Variants in GRIN2B observed in about 807,000 individuals in gnomAD.
GRIN2B encodes the protein glutamate ionotropic receptor NMDA type subunit 2B, also known as glutamate receptor ionotropic, NMDA 2B.
Under a neutral mutation model 114.5 loss-of-function variants are expected in GRIN2B, and 5 were observed. The observed-to-expected ratio is 0.04, with a 90% CI of 0.02 to 0.09. The LOEUF (loss-of-function observed/expected upper bound fraction) is 0.09, where lower values mean the gene tolerates loss of function less well. Ranked by LOEUF, GRIN2B falls within the 10% of genes least tolerant of loss-of-function variation. GRIN2B has a pLI of 1.00. For missense variants in GRIN2B, 1,108 were observed against 1,943.5 expected, an observed-to-expected ratio of 0.57 and a Z score of 8.08; for synonymous variants, 787 against 745.1, an observed-to-expected ratio of 1.06 and a Z score of -0.92.
intron 2 of GRIN2B, among the ~76,000 whole-genome samples, chr12:13,871,911 A>T (rs1055581266): frequency 6.6e-6 from 1 of 152,092 alleles, no homozygotes; most frequent in South Asian, 2.1e-4. Flanking sequence ...AATTTTAGAA[A>T]TTGTTATTAA....
At chr12:13,758,998 A>AGT (rs771891565) in intron 3 of GRIN2B, among the ~76,000 whole-genome samples, 5,743 of 86,216 alleles carry the variant, frequency 0.067, 340 homozygotes, top group African/African-American at 0.11. Context: ...ATCTAGTTCA[A>AGT]TTTTTTTTTT....
intron 5 of GRIN2B, among the ~76,000 whole-genome samples, chr12:13,660,252 CGAA>C (rs1423062122): frequency 4.6e-5 from 7 of 152,156 alleles, no homozygotes; most frequent in African/African-American, 1.7e-4. Flanking sequence ...ATGAATAACA[CGAA>C]GTACAATCTT....
intron 3 of GRIN2B, among the ~76,000 whole-genome samples, chr12:13,783,431 G>GGTTTTGTTTTGTTGTTTT (rs142614731): frequency 4.0e-5 from 6 of 149,632 alleles, no homozygotes; most frequent in Admixed American, 6.7e-5. Context: ...AACGGAAATA[G>GGTTTTGTTTTGTTGTTTT]GTTTTGTTTT....
At chr12:13,970,068 G>C (rs536282239) in intron 2 of GRIN2B, among the ~76,000 whole-genome samples, 48 of 152,290 alleles carry the variant, frequency 3.2e-4, no homozygotes, top group African/African-American at 1.2e-3. Context: ...GGCCAGGCTG[G>C]TCTCGAACTC....
chr12:13,917,234 T>C (rs1423793736), intron 2 of GRIN2B, among the ~76,000 whole-genome samples: 2 of 152,066 alleles, frequency 1.3e-5, no homozygotes, highest in Admixed American at 6.6e-5. Flanking sequence ...GTCCCACTAA[T>C]AAAACCCCAT....
chr12:13,735,724 A>T (rs1863164665), intron 4 of GRIN2B, among the ~76,000 whole-genome samples: 1 of 152,132 alleles, frequency 6.6e-6, no homozygotes, highest in Non-Finnish European at 1.5e-5. Flanking sequence ...TTTATTTCTG[A>T]AATCCCTCCT....
At chr12:13,857,673 G>C (rs1865686159) in intron 3 of GRIN2B, among the ~76,000 whole-genome samples, 1 of 152,064 alleles carries the variant, frequency 6.6e-6, no homozygotes, top group African/African-American at 2.4e-5. Flanking sequence ...CACTTCCTTT[G>C]AGACACAGTG....
chr12:13,774,239 T>G (rs1863960739), intron 3 of GRIN2B, among the ~76,000 whole-genome samples: 1 of 152,210 alleles, frequency 6.6e-6, no homozygotes, highest in African/African-American at 2.4e-5. Flanking sequence ...GGGTGCAAAA[T>G]TGCTTACGCA....
intron 4 of GRIN2B, among the ~76,000 whole-genome samples, chr12:13,710,635 T>A (rs1950405422): frequency 6.6e-6 from 1 of 151,994 alleles, no homozygotes; most frequent in Non-Finnish European, 1.5e-5. Context: ...TGCAATTGCT[T>A]CAAAGAGAAT....
At chr12:13,576,767 G>A (rs1221677944) in intron 10 of GRIN2B, among the ~76,000 whole-genome samples, 1 of 152,120 alleles carries the variant, frequency 6.6e-6, no homozygotes, top group Non-Finnish European at 1.5e-5. Context: ...TGGCCAGGCT[G>A]GTTTCTAATT....
At chr12:13,626,370 T>G (rs1210746620) in intron 5 of GRIN2B, among the ~76,000 whole-genome samples, 4 of 152,206 alleles carry the variant, frequency 2.6e-5, no homozygotes, top group Non-Finnish European at 4.4e-5. Context: ...GATGCTGTTA[T>G]AATCTGCTTT....
At chr12:13,703,364 T>C (rs1224643505) in intron 4 of GRIN2B, among the ~76,000 whole-genome samples, 1 of 152,170 alleles carries the variant, frequency 6.6e-6, no homozygotes, top group African/African-American at 2.4e-5. Context: ...CTTTATATTT[T>C]TTATCACTCA....
At chr12:13,851,297 T>A (rs978347508) in intron 3 of GRIN2B, among the ~76,000 whole-genome samples, 2 of 152,234 alleles carry the variant, frequency 1.3e-5, no homozygotes, top group African/African-American at 4.8e-5. Context: ...TCCTCCCTTC[T>A]GTTTTCATTT....
intron 2 of GRIN2B, among the ~76,000 whole-genome samples, chr12:13,928,358 C>A (rs2136821127): frequency 1.3e-5 from 2 of 150,796 alleles, no homozygotes; most frequent in Admixed American, 1.3e-4. Flanking sequence ...TCTAAAAGGG[C>A]AATGTGATTT....
chr12:13,770,698 TG>T (rs1863891074), intron 3 of GRIN2B, among the ~76,000 whole-genome samples: 1 of 152,152 alleles, frequency 6.6e-6, no homozygotes, highest in East Asian at 1.9e-4. Context: ...CCCTGGTGTG[TG>T]TTGTTCCCCT....
At chr12:13,897,753 C>G (rs1866376585) in intron 2 of GRIN2B, among the ~76,000 whole-genome samples, 1 of 151,802 alleles carries the variant, frequency 6.6e-6, no homozygotes, top group Non-Finnish European at 1.5e-5. Flanking sequence ...ATCAATAAAG[C>G]AGAAAGAGAT....
rs374104937 is a variant in GRIN2B, at chr12:13,663,903, C to A, written c.1125+11842G>T. ...ATAGTGAACACGAGAGTAGCACTTG[C>A]TACATGTCAGATATTGTGCTAAGAA... is the stretch of plus-strand genomic sequence containing the variant. On this transcript the variant is annotated intron_variant, in intron 5 of 13. Transcript: ENST00000609686. Among the ~76,000 whole-genome samples the A allele has an allele frequency of 9.9e-5, 15 of 152,156 alleles. No homozygotes were observed. The East Asian group carries it at 2.3e-3, about 24-fold the overall frequency.
intron 5 of GRIN2B, among the ~76,000 whole-genome samples, chr12:13,621,054 C>A (rs1337377653): frequency 6.6e-6 from 1 of 151,826 alleles, no homozygotes; most frequent in Non-Finnish European, 1.5e-5. Flanking sequence ...GGAGCAAAGG[C>A]AGGTTACAAA....
chr12:13,604,690 C>T (rs551372295), intron 10 of GRIN2B, among the ~76,000 whole-genome samples: 2 of 152,130 alleles, frequency 1.3e-5, no homozygotes, highest in South Asian at 2.1e-4. Flanking sequence ...ATTACCATAC[C>T]CTGTCCCAAT....
Sources: allele counts gnomAD v4.1 joint callset (sites outside exome capture counted in the v4.1 genomes callset), GRCh38; gene constraint gnomAD v4.1.1; transcripts MANE v1.5; gene names NCBI Gene and HGNC (gene_info 2026-07-23, HGNC 2026-07-21).